The following IMMP2L variants were observed in gnomAD, a reference collection of about 807,000 sequenced individuals.
IMMP2L encodes inner mitochondrial membrane peptidase subunit 2.
In IMMP2L, 18 loss-of-function variants were observed where a neutral mutation model predicts 19.3. That is an observed-to-expected ratio of 0.93 (90% CI 0.64 to 1.38). The LOEUF (loss-of-function observed/expected upper bound fraction) is 1.38, where lower values mean the gene tolerates loss of function less well. IMMP2L is among the 40% of genes most tolerant of loss of function. IMMP2L has a pLI of 0.00. For synonymous variants in IMMP2L, 76 were observed against 73.0 expected (o/e 1.04, Z -0.21); for missense variants, 233 against 218.2 (o/e 1.07, Z -0.43).
At chr7:110,911,652 T>C (rs967479454) in intron 4 of IMMP2L, among the ~76,000 whole-genome samples, 2 of 152,142 alleles carry the variant, frequency 1.3e-5, no homozygotes, top group Non-Finnish European at 2.9e-5. Flanking sequence ...ACTCATGGCA[T>C]TGAACAGAAT....
At chr7:111,556,039 T>TATATATATATAC (rs1192398339) in intron 1 of IMMP2L, among the ~76,000 whole-genome samples, 2 of 139,592 alleles carry the variant, frequency 1.4e-5, no homozygotes, top group Admixed American at 1.5e-4. Flanking sequence ...TATATATACA[T>TATATATATATAC]ACCCAAAGAA....
rs183563969 is a variant in IMMP2L at position 110,922,931 on chromosome 7, G to A, written c.306-36236C>T. On this transcript the variant is annotated intron_variant, in intron 4 of 5. Coordinates refer to ENST00000405709, the MANE Select transcript of IMMP2L (RefSeq NM_032549.4). ...TCTGATTGATTTTCTGATTTGCCCC[G>A]CTGCATGGCACAGTCAACAATTAGA... 2.2e-3 allele frequency among the ~76,000 whole-genome samples: 338 copies of A among 152,180 alleles called. 2 individuals carry two copies. The highest frequency in any genetic ancestry group is 1.6e-3 in the Non-Finnish European group (107 of 68,004).
In IMMP2L at chr7:110,924,630, G is replaced by A. The variant is rs10085806; in HGVS notation, c.306-37935C>T. ...AGAAAAAATAAGTAGATAATTGGAT[G>A]TCTAATTTTTTTCTTCAAATAGCTT... On this transcript the variant is annotated intron_variant, in intron 4 of 5. Transcript: ENST00000405709. This position sits in a 1 kb window ranked among gnomAD's most constrained non-coding sequence, Gnocchi z 4.2. Among the ~76,000 whole-genome samples the A allele has an allele frequency of 0.035, 5,376 of 152,262 alleles. 324 individuals carry two copies. The highest frequency in any genetic ancestry group is 0.12 in the African/African-American group (5,077 of 41,536).
At chr7:111,097,562 C>A (rs1416339783) in intron 3 of IMMP2L, among the ~76,000 whole-genome samples, 1 of 151,628 alleles carries the variant, frequency 6.6e-6, no homozygotes, top group African/African-American at 2.4e-5. Context: ...TGTCAACTAA[C>A]TTTCAGCTTA....
chr7:111,251,967 C>T (rs1025066889), intron 3 of IMMP2L, among the ~76,000 whole-genome samples: 9 of 151,934 alleles, frequency 5.9e-5, no homozygotes, highest in Non-Finnish European at 4.4e-5. Flanking sequence ...TTAAACTTGT[C>T]TAAAGGTTTA....
rs1360202087 is a variant in IMMP2L at position 111,528,608 on chromosome 7, T to C, written c.-2-7159A>G. Among the ~76,000 whole-genome samples, 4 of 152,164 alleles carry C rather than the reference T, an allele frequency of 2.6e-5. No homozygotes were observed. The South Asian group carries it at 6.2e-4, about 24-fold the overall frequency. On this transcript the variant is annotated intron_variant, in intron 1 of 5. Transcript: ENST00000405709. The stretch of plus-strand genomic sequence containing the variant: ...AAATTTCTCTCCTTCCCGTAACAAC[T>C]TGTGGCTTGATCATGCATTAATTCA...
chr7:110,752,580 T>G (rs2130925704), intron 5 of IMMP2L, among the ~76,000 whole-genome samples: 1 of 152,148 alleles, frequency 6.6e-6, no homozygotes, highest in Middle Eastern at 3.4e-3. Context: ...GTCTTTGGAT[T>G]CTCTGGCCCT....
At chr7:111,502,397 AT>A (rs1313408629) in intron 2 of IMMP2L, among the ~76,000 whole-genome samples, 1 of 152,194 alleles carries the variant, frequency 6.6e-6, no homozygotes, top group Admixed American at 6.5e-5. Flanking sequence ...CGCTGTCAAC[AT>A]TAGACAGATC....
At chr7:111,047,260 C>A (rs1702801850) in intron 3 of IMMP2L, among the ~76,000 whole-genome samples, 1 of 151,730 alleles carries the variant, frequency 6.6e-6, no homozygotes, top group Admixed American at 6.6e-5. Context: ...GTGATCTTGG[C>A]TCACCACAAC....
rs115010794 is a variant in IMMP2L at position 111,294,338 on chromosome 7, G to A, written c.239+192900C>T. Among the ~76,000 whole-genome samples the A allele has an allele frequency of 8.5e-3, 1,284 of 151,838 alleles. 23 individuals are homozygous for A. The highest frequency in any genetic ancestry group is 0.029 in the African/African-American group (1,210 of 41,474). On this transcript the variant is annotated intron_variant, in intron 3 of 5. Transcript: ENST00000405709. ...TGGGCATAAACCTAAACTGTCTCAG[G>A]AAAACCAGAATGAGCAGTATATAGC...
intron 3 of IMMP2L, among the ~76,000 whole-genome samples, chr7:111,096,205 G>GATT (rs1160119361): frequency 2.6e-5 from 4 of 151,906 alleles, no homozygotes; most frequent in African/African-American, 9.7e-5. Flanking sequence ...ATATGATGAT[G>GATT]ATTAACATCT....
intron 3 of IMMP2L, among the ~76,000 whole-genome samples, chr7:111,309,934 T>A (rs1337578389): frequency 6.6e-6 from 1 of 152,116 alleles, no homozygotes; most frequent in Admixed American, 6.6e-5. Context: ...GCATTTATTT[T>A]GTGCATTAAT....
chr7:111,440,004 C>T (rs1025783180), intron 3 of IMMP2L, among the ~76,000 whole-genome samples: 5 of 151,986 alleles, frequency 3.3e-5, no homozygotes, highest in Admixed American at 6.6e-5. Context: ...CCTCCTCATC[C>T]GTTCAAGATT....
intron 3 of IMMP2L, among the ~76,000 whole-genome samples, chr7:111,320,628 G>T (rs976742452): frequency 3.3e-5 from 5 of 151,916 alleles, no homozygotes; most frequent in African/African-American, 1.2e-4. Flanking sequence ...TCCCACTGTG[G>T]TACCCAACAA....
chr7:110,973,913 A>G (rs898906444), intron 3 of IMMP2L, among the ~76,000 whole-genome samples: 2 of 152,128 alleles, frequency 1.3e-5, no homozygotes, highest in African/African-American at 4.8e-5. Context: ...TTAAAGAAAG[A>G]GTGGGAGATT....
At chr7:111,382,909 T>C (rs1831344811) in intron 3 of IMMP2L, among the ~76,000 whole-genome samples, 1 of 152,084 alleles carries the variant, frequency 6.6e-6, no homozygotes, top group Non-Finnish European at 1.5e-5. Context: ...GCAAATGTGG[T>C]TCCATACTTC....
intron 5 of IMMP2L, among the ~76,000 whole-genome samples, chr7:110,749,088 T>C (rs1200736250): frequency 6.6e-6 from 1 of 152,102 alleles, no homozygotes; most frequent in African/African-American, 2.4e-5. Context: ...GGGCAAAGGA[T>C]ATGAACAGAC....
chr7:110,889,621 G>A (rs1585153518), intron 4 of IMMP2L, among the ~76,000 whole-genome samples: 2 of 152,320 alleles, frequency 1.3e-5, no homozygotes, highest in East Asian at 3.9e-4. Context: ...ACCAGTACCA[G>A]TCCGTGGCCT....
At chr7:111,278,184 A>C (rs907221683) in intron 3 of IMMP2L, among the ~76,000 whole-genome samples, 2 of 152,212 alleles carry the variant, frequency 1.3e-5, no homozygotes, top group African/African-American at 4.8e-5. Context: ...TACACAACAC[A>C]TACATGTAAA....
Sources: allele counts gnomAD v4.1 joint callset (sites outside exome capture counted in the v4.1 genomes callset), GRCh38; gene constraint gnomAD v4.1.1; non-coding constraint Gnocchi (gnomAD v3.1); transcripts MANE v1.5; gene names NCBI Gene and HGNC (gene_info 2026-07-23, HGNC 2026-07-21).